TEAD1: variants seen among roughly 807,000 people sequenced by gnomAD.
TEAD1 encodes TEA domain transcription factor 1.
In TEAD1, 9 loss-of-function variants were observed where a neutral mutation model predicts 54.9. The observed-to-expected ratio is 0.16, with a 90% CI of 0.10 to 0.29. The LOEUF is 0.29. Among genes scored for constraint, TEAD1 ranks in the 10% least tolerant of loss-of-function variants. The pLI, the probability that TEAD1 is intolerant of heterozygous loss-of-function variation, is 1.00. For synonymous variants in TEAD1, 200 were observed against 187.8 expected (o/e 1.07, Z -0.53); for missense variants, 387 against 535.9 (o/e 0.72, Z 2.74).
At chr11:12,762,898 T>C (rs1382243222) in intron 2 of TEAD1, among the ~76,000 whole-genome samples, 2 of 152,144 alleles carry the variant, frequency 1.3e-5, no homozygotes, top group Non-Finnish European at 2.9e-5. Flanking sequence ...CACCAGCACC[T>C]GCTTCCCTCC....
intron 3 of TEAD1, among the ~76,000 whole-genome samples, chr11:12,814,014 C>T (rs1476307051): frequency 1.3e-5 from 2 of 152,188 alleles, no homozygotes; most frequent in Non-Finnish European, 2.9e-5. Context: ...CCCATTGGCA[C>T]AGCATCAAGG....
chr11:12,908,110 C>G (rs1372135661), intron 10 of TEAD1, among the ~76,000 whole-genome samples: 2 of 152,116 alleles, frequency 1.3e-5, no homozygotes, highest in East Asian at 3.9e-4. Flanking sequence ...CTTTCTGGGT[C>G]TAGCCAATTC....
chr11:12,773,920 T>C (rs1484591787), intron 3 of TEAD1, among the ~76,000 whole-genome samples: 3 of 152,218 alleles, frequency 2.0e-5, no homozygotes, highest in Non-Finnish European at 4.4e-5. Context: ...TTTATAGTTG[T>C]ATGTTTTAAA....
intron 2 of TEAD1, among the ~76,000 whole-genome samples, chr11:12,706,239 A>C (rs765595899): frequency 7.2e-5 from 11 of 152,238 alleles, no homozygotes; most frequent in Non-Finnish European, 1.5e-4. Context: ...TGGTTGAAGA[A>C]ACCCCTCTTC....
intron 3 of TEAD1, among the ~76,000 whole-genome samples, chr11:12,770,663 T>A (rs1305888548): frequency 6.6e-6 from 1 of 152,226 alleles, no homozygotes; most frequent in Non-Finnish European, 1.5e-5. Flanking sequence ...TCAAGTTATT[T>A]GCTTGAGGTC....
At chr11:12,892,129 T>G (rs747388181) in intron 9 of TEAD1, among the ~76,000 whole-genome samples, 3 of 152,194 alleles carry the variant, frequency 2.0e-5, no homozygotes, top group Admixed American at 6.5e-5. Context: ...TGGTCAAACG[T>G]GGGCCCAAGG....
At chr11:12,693,607 C>T (rs1332048306) in intron 2 of TEAD1, among the ~76,000 whole-genome samples, 1 of 152,194 alleles carries the variant, frequency 6.6e-6, no homozygotes. Context: ...GCTTTGATGA[C>T]GGCTTCCCAT....
intron 2 of TEAD1, among the ~76,000 whole-genome samples, chr11:12,684,291 T>C (rs1454693968): frequency 2.0e-5 from 3 of 152,256 alleles, no homozygotes; most frequent in Non-Finnish European, 2.9e-5. Context: ...ATGAATTAAA[T>C]GGAAATGCTT....
At chr11:12,709,789 A>G (rs902619622) in intron 2 of TEAD1, among the ~76,000 whole-genome samples, 6 of 152,124 alleles carry the variant, frequency 3.9e-5, no homozygotes, top group Non-Finnish European at 8.8e-5. Flanking sequence ...TTGGTTTCAC[A>G]CAGTGCTGGG....
intron 2 of TEAD1, among the ~76,000 whole-genome samples, chr11:12,696,742 C>G: frequency 6.6e-6 from 1 of 151,964 alleles, no homozygotes; most frequent in East Asian, 1.9e-4. Flanking sequence ...TGCGTGCTGT[C>G]CTAGGGAGGC....
intron 3 of TEAD1, among the ~76,000 whole-genome samples, chr11:12,827,715 T>C (rs1468946494): frequency 6.6e-6 from 1 of 152,198 alleles, no homozygotes. Flanking sequence ...CATCCTGCTC[T>C]CCTATTATCA....
At chr11:12,932,877 A>G (rs947823735) in intron 12 of TEAD1, among the ~76,000 whole-genome samples, 29 of 152,142 alleles carry the variant, frequency 1.9e-4, no homozygotes, top group African/African-American at 7.0e-4. Context: ...TAGGTGAACT[A>G]CTTTTTACCT....
intron 3 of TEAD1, among the ~76,000 whole-genome samples, chr11:12,802,568 G>A (rs1590166287): frequency 6.6e-6 from 1 of 152,134 alleles, no homozygotes; most frequent in Non-Finnish European, 1.5e-5. Flanking sequence ...GGTGGTGGAG[G>A]GGCCTTGCTT....
At chr11:12,902,845 A>G (rs962881821) in intron 10 of TEAD1, among the ~76,000 whole-genome samples, 1 of 151,962 alleles carries the variant, frequency 6.6e-6, no homozygotes, top group African/African-American at 2.4e-5. Flanking sequence ...CTGTTTGTCT[A>G]GATGGACTTT....
Position 12,908,886 on chromosome 11 carries a change from T to G in TEAD1, c.873+6773T>G, listed in dbSNP as rs140491074. Among the ~76,000 whole-genome samples the G allele has an allele frequency of 1.5e-5, 2 of 133,972 alleles. 1 individual carries two copies. Among genetic ancestry groups the G allele is most frequent in the Non-Finnish European group, 3.2e-5 (2 of 61,818 alleles). 87.9% of individuals were successfully genotyped at this position (133,972 alleles called of 152,430 possible). A position where few individuals can be genotyped will look rare whatever the true frequency, so the allele number is the denominator to read the frequency against. On this transcript the variant is annotated intron_variant, in intron 10 of 12. Coordinates refer to ENST00000527636, the MANE Select transcript of TEAD1 (RefSeq NM_021961.6). ...GTCAGTATACTTCAAATTATCTGTTTTTTTTTTTTTGAGACAGTGTTGCTC... is the reference window on the plus strand; with the variant it reads ...GTCAGTATACTTCAAATTATCTGTTGTTTTTTTTTTGAGACAGTGTTGCTC...
chr11:12,688,840 T>G (rs1943391152), intron 2 of TEAD1, among the ~76,000 whole-genome samples: 1 of 152,214 alleles, frequency 6.6e-6, no homozygotes, highest in Non-Finnish European at 1.5e-5. Context: ...AGTCTCTTGC[T>G]TCCTCCACTC....
intron 2 of TEAD1, among the ~76,000 whole-genome samples, chr11:12,750,344 G>A (rs1299162378): frequency 2.0e-5 from 3 of 152,130 alleles, no homozygotes; most frequent in Non-Finnish European, 4.4e-5. Flanking sequence ...CAGGTACCGA[G>A]CAGAGTTAAT....
intron 9 of TEAD1, among the ~76,000 whole-genome samples, chr11:12,897,390 A>T (rs1948333274): frequency 6.6e-6 from 1 of 152,192 alleles, no homozygotes; most frequent in South Asian, 2.1e-4. Context: ...CTTGAACCCA[A>T]CATACAGATT....
chr11:12,798,178 C>T (rs1032268263), intron 3 of TEAD1, among the ~76,000 whole-genome samples: 7 of 152,204 alleles, frequency 4.6e-5, no homozygotes, highest in Middle Eastern at 3.4e-3. Flanking sequence ...TGTGGTTGGC[C>T]CCCGTTGCTG....
Sources: gnomAD v4.1 joint callset for allele counts (sites outside exome capture counted in the v4.1 genomes callset) on GRCh38, gnomAD v4.1.1 for gene constraint, MANE v1.5 for transcripts, NCBI Gene and HGNC (gene_info 2026-07-23, HGNC 2026-07-21) for gene names.